ASAH1: variants seen among roughly 807,000 people sequenced by gnomAD.
The protein encoded by ASAH1 is N-acylsphingosine amidohydrolase 1.
ASAH1 carries 70 observed loss-of-function variants against 59.5 expected under a neutral mutation model. That is an observed-to-expected ratio of 1.18 (90% CI 0.97 to 1.43). The LOEUF (loss-of-function observed/expected upper bound fraction) is 1.43. ASAH1 is among the 40% of genes most tolerant of loss of function. The pLI, the probability that ASAH1 is intolerant of heterozygous loss-of-function variation, is 0.00. For synonymous variants in ASAH1, 213 were observed against 166.5 expected (o/e 1.28, Z -2.15); for missense variants, 660 against 482.5 (o/e 1.37, Z -3.45).
At chr8:18,078,711 A>C (rs60806189) in intron 1 of ASAH1, among the ~76,000 whole-genome samples, 8,611 of 152,288 alleles carry the variant, frequency 0.057, 514 homozygotes, top group East Asian at 0.17. Context: ...TTAATAACAG[A>C]CAACTCTATT....
chr8:18,061,291 T>G, intron 10 of ASAH1, 86 bp downstream of exon 10: 1 of 1,199,424 alleles, frequency 8.3e-7, no homozygotes, highest in Non-Finnish European at 1.2e-6. Flanking sequence ...CTCAAAGGAT[T>G]AAGCTGGAGC....
intron 1 of ASAH1, among the ~76,000 whole-genome samples, chr8:18,079,679 C>T (rs1056559545): frequency 1.3e-5 from 2 of 152,136 alleles, no homozygotes; most frequent in African/African-American, 4.8e-5. Flanking sequence ...AATTACATAC[C>T]TCATGTCAGT....
intron 5 of ASAH1, 65 bp downstream of exon 5, chr8:18,067,155 C>A (rs1244567522): frequency 5.6e-6 from 5 of 888,574 alleles, no homozygotes; most frequent in Non-Finnish European, 8.3e-6. Context: ...GTATATCACA[C>A]CTCAATGGAA....
chr8:18,066,969 G>C, intron 5 of ASAH1: 1 of 411,502 alleles, frequency 2.4e-6, no homozygotes, highest in Non-Finnish European at 4.3e-6. Context: ...TACTGGAGGA[G>C]GCAGTATTTT....
chr8:18,062,419 T>A lies in ASAH1; in HGVS notation c.508A>T (p.Asn170Tyr), dbSNP rs767762678. ...NMDFGVFLGW[N>Y]INNDTWVITE... ...ATGACCCAGGTATCATTATTTATGT[T>A]CCACCTATAAAAGACATGTTTCAGT... Residue 170 changes from asparagine (N) to tyrosine (Y), a missense_variant, in exon 8 of 14, where the codon AAC becomes TAC. Asn to Tyr is a moderately radical substitution (Grantham distance 143). Transcript: ENST00000637790. 6.2e-7 allele frequency: 1 copy of A among 1,614,102 alleles called. No individual in the cohort carries two copies.
At chr8:18,064,186 A>G (rs1444982101) in intron 6 of ASAH1, 9 of 569,630 alleles carry the variant, frequency 1.6e-5, no homozygotes, top group Non-Finnish European at 2.8e-5. Context: ...GTAGAAGTAA[A>G]CTATGAGGAA....
chr8:18,064,783 A>G, intron 5 of ASAH1: 1 of 435,076 alleles, frequency 2.3e-6, no homozygotes, highest in Non-Finnish European at 4.1e-6. Context: ...GTTCTCCAAC[A>G]TCACATCCAA....
intron 13 of ASAH1, chr8:18,058,287 G>A (rs910278688): frequency 6.4e-6 from 1 of 155,736 alleles, no homozygotes; most frequent in African/African-American, 2.4e-5. Context: ...TTACTTTAGG[G>A]AGAGCTGTGG....
Position 18,071,202 on chromosome 8 carries a change from G to A in ASAH1, c.216+98C>T, listed in dbSNP as rs11785746. On this transcript the variant is annotated intron_variant, in intron 3 of 13. Coordinates refer to ENST00000637790, the MANE Select transcript of ASAH1 (RefSeq NM_177924.5). ...AGCCTGGGTGACAGAGTGAGACTCT[G>A]TCTCAAAACAAAAAAAAAATCAATC... is the stretch of plus-strand genomic sequence containing the variant. The A allele has an allele frequency of 0.46, 292,187 of 635,390 alleles. 72,251 individuals are homozygous for A. Among genetic ancestry groups the A allele is most frequent in the Non-Finnish European group, 0.52 (240,377 of 465,472 alleles). The allele number at this position is 635,390 out of a possible 1,614,324, so 39.4% of individuals were successfully genotyped here. A position where few individuals can be genotyped will look rare whatever the true frequency, so the allele number is the denominator to read the frequency against.
intron 1 of ASAH1, among the ~76,000 whole-genome samples, chr8:18,077,861 TTTTC>T (rs1293755731): frequency 1.3e-5 from 2 of 152,214 alleles, no homozygotes; most frequent in Non-Finnish European, 2.9e-5. Flanking sequence ...CCGCTTTACA[TTTTC>T]TTGTTTATCT....
At chr8:18,071,214 A>C (rs1800155038) in intron 3 of ASAH1, 86 bp downstream of exon 3, 1 of 786,920 alleles carries the variant, frequency 1.3e-6, no homozygotes, top group Non-Finnish European at 1.7e-6. Context: ...CTCAAAACAA[A>C]AAAAAAATCA....
At chr8:18,071,202 G>C (rs11785746) in intron 3 of ASAH1, 98 bp downstream of exon 3, 3 of 636,824 alleles carry the variant, frequency 4.7e-6, no homozygotes, top group Admixed American at 8.8e-5. Context: ...GTGAGACTCT[G>C]TCTCAAAACA....
At chr8:18,068,298 A>T (rs1276073338) in intron 4 of ASAH1, 1 of 152,232 alleles carries the variant, frequency 6.6e-6, no homozygotes, top group Admixed American at 6.5e-5. Context: ...AAGGCGTGGC[A>T]CAAAAACTCT....
At chr8:18,073,273 G>A (rs1564548461) in intron 2 of ASAH1, 1 of 1,578,332 alleles carries the variant, frequency 6.3e-7, no homozygotes, top group Non-Finnish European at 8.7e-7. Flanking sequence ...CAGCAGGGAA[G>A]ACACTATATG....
upstream of ASAH1, chr8:18,084,208 G>A: frequency 6.6e-7 from 1 of 1,514,380 alleles, no homozygotes; most frequent in Non-Finnish European, 8.8e-7. Context: ...GGAGGAGGCG[G>A]GACTGGGAGG....
chr8:18,071,139 G>A (rs573883066), intron 3 of ASAH1, among the ~76,000 whole-genome samples, 161 bp downstream of exon 3: 31 of 151,980 alleles, frequency 2.0e-4, no homozygotes, highest in African/African-American at 6.5e-4. Context: ...CCCAGGAGGC[G>A]GAGGTTGCGG....
rs987867055 is a variant in ASAH1, at chr8:18,056,292, A to T, written c.*1242T>A. ...GAGGTGGTATCAGTCATGTAAGAGT[A>T]AGATTGTGACCGTTTAGTCATATTT... is the stretch of plus-strand genomic sequence containing the variant. On this transcript the variant is annotated 3_prime_UTR_variant, in exon 14 of 14. Coordinates refer to ENST00000637790, the MANE Select transcript of ASAH1 (RefSeq NM_177924.5). 2 of 152,202 alleles carry T rather than the reference A, an allele frequency of 1.3e-5. No individual in the cohort carries two copies. The highest frequency in any genetic ancestry group is 4.8e-5 in the African/African-American group (2 of 41,450). The allele number at this position is 152,202 out of a possible 1,614,324, so 9.4% of individuals were successfully genotyped here. A position where few individuals can be genotyped will look rare whatever the true frequency, so the allele number is the denominator to read the frequency against.
rs34419879 is a variant in ASAH1 at position 18,069,140 on chromosome 8, C to CA, written c.303+651dup. 4.6e-3 allele frequency among the ~76,000 whole-genome samples: 411 copies of CA among 89,792 alleles called. 2 individuals carry two copies. The highest frequency in any genetic ancestry group is 8.0e-3 in the African/African-American group (168 of 21,004). The allele number at this position is 89,792 out of a possible 152,430, so 58.9% of individuals were successfully genotyped here. ...TGGGCTACAGAGTGAGATGAGGTCT[C>CA]AAAAAAAAAAAAAAAAAAAAAGCTG... On this transcript the variant is annotated intron_variant, in intron 4 of 13. Transcript: ENST00000637790.
chr8:18,071,237 A>C, intron 3 of ASAH1, 63 bp downstream of exon 3: 2 of 841,332 alleles, frequency 2.4e-6, no homozygotes, highest in Non-Finnish European at 1.5e-6. Flanking sequence ...CAATAAATAA[A>C]AATAAAGAAA....
Sources: allele counts gnomAD v4.1 joint callset (sites outside exome capture counted in the v4.1 genomes callset), GRCh38; gene constraint gnomAD v4.1.1; transcripts MANE v1.5; gene names NCBI Gene and HGNC (gene_info 2026-07-23, HGNC 2026-07-21).